RERGL: variants seen among roughly 807,000 people sequenced by gnomAD.
The protein encoded by RERGL is ras-related and estrogen-regulated growth inhibitor-like protein.
In RERGL, 22 loss-of-function variants were observed where a neutral mutation model predicts 24.7. The ratio of observed to expected loss-of-function variants is 0.89; its 90% confidence interval spans 0.64 to 1.27. The LOEUF (loss-of-function observed/expected upper bound fraction) is 1.27. Ranked by LOEUF, RERGL falls within the 50% of genes most tolerant of loss-of-function variation. RERGL has a pLI of 0.00. For synonymous variants in RERGL, 76 were observed against 82.6 expected, an observed-to-expected ratio of 0.92 and a Z score of 0.43; for missense variants, 259 against 235.3, an observed-to-expected ratio of 1.10 and a Z score of -0.66.
chr12:18,084,462 C>A, intron 4 of RERGL, 55 bp downstream of exon 4: 1 of 1,511,068 alleles, frequency 6.6e-7, no homozygotes, highest in Non-Finnish European at 8.9e-7. Context: ...ATGATGCTTA[C>A]AGCTATATGA....
intron 1 of RERGL, chr12:18,089,524 C>T (rs185371197): frequency 6.3e-5 from 28 of 447,118 alleles, no homozygotes; most frequent in African/African-American, 3.3e-4. Flanking sequence ...ATAATGTGAC[C>T]GAAACCAAAG....
At chr12:18,082,993 AG>A (rs1947187658) in intron 4 of RERGL, among the ~76,000 whole-genome samples, 1 of 152,192 alleles carries the variant, frequency 6.6e-6, no homozygotes, top group Admixed American at 6.5e-5. Context: ...ATCTACTATA[AG>A]GAAAAAAATG....
Position 18,081,221 on chromosome 12 carries a change from A to G in RERGL, c.585T>C (p.Asn195=). Residue 195 remains asparagine (N), a synonymous_variant, in exon 5 of 5, where the codon AAT becomes AAC. Transcript: ENST00000538724. The part of the protein sequence containing the change: ...GSKSMAKLIN[N]VFGKRRKSV Reference sequence around the variant, plus strand: ...CAGATTTCCTTCTCTTTCCAAATACATTATTGATCAATTTGGCCATTGATT... The same window carrying G: ...CAGATTTCCTTCTCTTTCCAAATACGTTATTGATCAATTTGGCCATTGATT... 6.2e-7 allele frequency: 1 copy of G among 1,608,088 alleles called. No individual in the cohort carries two copies. Among genetic ancestry groups the G allele is most frequent in the Non-Finnish European group, 8.5e-7 (1 of 1,177,492 alleles).
chr12:18,089,183 T>A lies in RERGL; in HGVS notation c.53-227A>T. On this transcript the variant is annotated intron_variant, in intron 1 of 4. Coordinates refer to ENST00000538724, the MANE Select transcript of RERGL (RefSeq NM_001286201.2). Reference sequence around the variant, plus strand: ...GATCTTAAAGTGCTTCACATCTAAATCACTATGCAGTTAATTCATTACCAC... The same window carrying A: ...GATCTTAAAGTGCTTCACATCTAAAACACTATGCAGTTAATTCATTACCAC... 2.6e-6 allele frequency: 4 copies of A among 1,523,322 alleles called. No individual in the cohort carries two copies. In the East Asian group the frequency reaches 9.0e-5, roughly 34 times the overall value. 94.4% of individuals were successfully genotyped at this position (1,523,322 alleles called of 1,614,324 possible). A position where few individuals can be genotyped will look rare whatever the true frequency, so the allele number is the denominator to read the frequency against.
At chr12:18,081,604 A>G in intron 4 of RERGL, 131 bp from the exon 5 acceptor site, 1 of 825,760 alleles carries the variant, frequency 1.2e-6, no homozygotes, top group Non-Finnish European at 1.8e-6. Flanking sequence ...TATGTTACTT[A>G]TGGTCATGTG....
rs1947163767 is a variant in RERGL, at chr12:18,080,909, A to G, written c.*282T>C. On this transcript the variant is annotated 3_prime_UTR_variant, in exon 5 of 5. Transcript: ENST00000538724. The stretch of plus-strand genomic sequence containing the variant: ...TAATAAATTCACATAAACAGAGTTT[A>G]TTTGGCAAGGCAAACTGGGATCGCT... 2 of 243,538 alleles carry G rather than the reference A, an allele frequency of 8.2e-6. No individual in the cohort carries two copies. The highest frequency in any genetic ancestry group is 4.4e-5 in the African/African-American group (2 of 45,124). 15.1% of individuals were successfully genotyped at this position (243,538 alleles called of 1,614,324 possible).
In RERGL at chr12:18,085,617, TA is replaced by T; in HGVS notation, c.183+2del. 6.5e-7 allele frequency: 1 copy of T among 1,532,484 alleles called. No individual in the cohort carries two copies. Among genetic ancestry groups the T allele is most frequent in the Non-Finnish European group, 9.0e-7 (1 of 1,116,810 alleles). The allele number at this position is 1,532,484 out of a possible 1,614,324, so 94.9% of individuals were successfully genotyped here. ...AATAAAAAAGGTGTTTTGTTTTACT[TA>T]CTTGAGAACAAGGGTCATATATTTC... On this transcript the variant is annotated splice_donor_variant, in intron 3 of 4. Coordinates refer to ENST00000538724, the MANE Select transcript of RERGL (RefSeq NM_001286201.2). LOFTEE classifies it high-confidence loss of function.
chr12:18,081,526 TTAAAAAA>T, intron 4 of RERGL, 53 bp from the exon 5 acceptor site: 1 of 1,011,770 alleles, frequency 9.9e-7, no homozygotes. Flanking sequence ...ACTCTTTTTT[TTAAAAAA>T]AAAAAAAAAA....
At chr12:18,088,851 T>C (rs1181107041) in intron 2 of RERGL, 49 bp downstream of exon 2, 8 of 1,138,834 alleles carry the variant, frequency 7.0e-6, no homozygotes, top group Middle Eastern at 2.0e-4. Flanking sequence ...TGGGATTTAA[T>C]TACGATGTTA....
intron 3 of RERGL, among the ~76,000 whole-genome samples, chr12:18,085,391 T>C (rs1187527722): frequency 1.3e-5 from 2 of 152,166 alleles, no homozygotes; most frequent in African/African-American, 4.8e-5. Context: ...TTAAAGATAT[T>C]TGTGATATGA....
chr12:18,082,045 C>A (rs1565485555), intron 4 of RERGL, among the ~76,000 whole-genome samples: 1 of 150,932 alleles, frequency 6.6e-6, no homozygotes, highest in Non-Finnish European at 1.5e-5. Flanking sequence ...GAGGCTGAGG[C>A]AGGAGAATCA....
At chr12:18,081,621 C>T in intron 4 of RERGL, 148 bp from the exon 5 acceptor site, 3 of 665,686 alleles carry the variant, frequency 4.5e-6, no homozygotes, top group Non-Finnish European at 7.2e-6. Context: ...TGTGTGTATA[C>T]AGTTACACAT....
chr12:18,087,296 T>C (rs778045345), intron 2 of RERGL, among the ~76,000 whole-genome samples: 1 of 152,182 alleles, frequency 6.6e-6, no homozygotes, highest in Non-Finnish European at 1.5e-5. Flanking sequence ...AGGATTAGGG[T>C]TGACTTCTTA....
rs757186271 is a variant in RERGL at position 18,081,229 on chromosome 12, T to C, written c.577A>G (p.Ile193Val). ...PSGSKSMAKL[I>V]NNVFGKRRKS... ...CTTCTCTTTCCAAATACATTATTGATCAATTTGGCCATTGATTTAGATCCA... is the reference window on the plus strand; with the variant it reads ...CTTCTCTTTCCAAATACATTATTGACCAATTTGGCCATTGATTTAGATCCA... Residue 193 changes from isoleucine to valine, a missense_variant, in exon 5 of 5, where the codon ATC (isoleucine) becomes GTC (valine). Ile to Val is a conservative substitution (Grantham distance 29, BLOSUM62 3). Coordinates refer to ENST00000538724, the MANE Select transcript of RERGL (RefSeq NM_001286201.2). The C allele has an allele frequency of 6.8e-6, 11 of 1,612,462 alleles. No individual in the cohort carries two copies. The highest frequency in any genetic ancestry group is 6.8e-6 in the Non-Finnish European group (8 of 1,179,138).
chr12:18,089,428 C>T, intron 1 of RERGL: 1 of 1,275,322 alleles, frequency 7.8e-7, no homozygotes, highest in Non-Finnish European at 1.0e-6. Flanking sequence ...GGTATCCATT[C>T]ATCATGTCAC....
chr12:18,083,176 C>T (rs1050277188), intron 4 of RERGL, among the ~76,000 whole-genome samples: 5 of 151,992 alleles, frequency 3.3e-5, no homozygotes, highest in Admixed American at 6.6e-5. Context: ...CATGTATTTT[C>T]AAGGGTGGGA....
intron 4 of RERGL, 139 bp downstream of exon 4, chr12:18,084,378 C>A: frequency 1.5e-6 from 1 of 647,278 alleles, no homozygotes; most frequent in Non-Finnish European, 2.5e-6. Context: ...ATGTGTAACT[C>A]CTGTGGAATA....
chr12:18,090,181 T>G lies in RERGL; in HGVS notation c.-41A>C. The stretch of plus-strand genomic sequence containing the variant: ...CTTGGTCAGTCCTATTTTCTGGAAC[T>G]ACACTGCCCTGTGACAAGCTTTTTT... On this transcript the variant is annotated 5_prime_UTR_variant, in exon 1 of 5. Transcript: ENST00000538724. The G allele has an allele frequency of 2.0e-6, 3 of 1,495,744 alleles. No homozygotes were observed. The highest frequency in any genetic ancestry group is 2.7e-6 in the Non-Finnish European group (3 of 1,124,330). 92.7% of individuals were successfully genotyped at this position (1,495,744 alleles called of 1,614,324 possible). A position where few individuals can be genotyped will look rare whatever the true frequency, so the allele number is the denominator to read the frequency against.
rs537919795 is a variant in RERGL, at chr12:18,089,177, T to A, written c.53-221A>T. ...GGAAGTGATCTTAAAGTGCTTCACATCTAAATCACTATGCAGTTAATTCAT... is the reference window on the plus strand; with the variant it reads ...GGAAGTGATCTTAAAGTGCTTCACAACTAAATCACTATGCAGTTAATTCAT... On this transcript the variant is annotated intron_variant, in intron 1 of 4. Transcript: ENST00000538724. 2.7e-6 allele frequency: 4 copies of A among 1,498,966 alleles called. No homozygotes were observed. In the Admixed American group the frequency reaches 5.6e-5, roughly 21 times the overall value. The allele number at this position is 1,498,966 out of a possible 1,614,324, so 92.9% of individuals were successfully genotyped here. A position where few individuals can be genotyped will look rare whatever the true frequency, so the allele number is the denominator to read the frequency against.
Sources: allele counts gnomAD v4.1 joint callset (sites outside exome capture counted in the v4.1 genomes callset), GRCh38; gene constraint gnomAD v4.1.1; transcripts MANE v1.5; gene names NCBI Gene and HGNC (gene_info 2026-07-23, HGNC 2026-07-21).